USPL1: variants seen among roughly 807,000 people sequenced by gnomAD.
USPL1 encodes the protein SUMO-specific isopeptidase USPL1.
USPL1 carries 27 observed loss-of-function variants against 51.5 expected under a neutral mutation model. The ratio of observed to expected loss-of-function variants is 0.52; its 90% CI spans 0.39 to 0.72. The LOEUF (loss-of-function observed/expected upper bound fraction) is 0.72, where lower values mean the gene tolerates loss of function less well. Among genes scored for constraint, USPL1 ranks in the 30% least tolerant of loss-of-function variants. USPL1 has a pLI of 0.00. For synonymous variants in USPL1, 451 were observed against 459.6 expected (o/e 0.98, Z 0.24); for missense variants, 1,226 against 1,268.0 (o/e 0.97, Z 0.50).
At chr13:30,629,520 CACATGATTATGTGAGTTGACTAGGGA>C (rs1413529005) in intron 3 of USPL1, among the ~76,000 whole-genome samples, 4 of 152,146 alleles carry the variant, frequency 2.6e-5, no homozygotes, top group African/African-American at 4.8e-5. Flanking sequence ...TTTATTATTT[CACATGATTATGTGAGTTGACTAGGGA>C]ATTCTTACAC....
At chr13:30,646,773 T>C (rs897552178) in intron 6 of USPL1, among the ~76,000 whole-genome samples, 159 bp from the exon 7 acceptor site, 4 of 152,242 alleles carry the variant, frequency 2.6e-5, no homozygotes, top group Admixed American at 2.0e-4. Flanking sequence ...TCACAGAGCT[T>C]CTTTACTAGA....
Position 30,647,047 on chromosome 13 carries a change from G to T in USPL1, c.1228G>T (p.Val410Leu). ...CAGTAAATCACAAATAAGAAAAATG[G>T]TATTAGAAAAGTGAGTTAAAATTGT... ...CNSKSQIRKM[V>L]LEKVSPIFML... The change falls in exon 7 of 9, where the codon GTA becomes TTA. Residue 410 changes from valine to leucine, a missense_variant. Val to Leu is a conservative substitution (Grantham distance 32). Coordinates refer to ENST00000255304, the MANE Select transcript of USPL1 (RefSeq NM_005800.5). The T allele has an allele frequency of 1.2e-6, 2 of 1,610,686 alleles. No individual in the cohort carries two copies. The highest frequency in any genetic ancestry group is 1.3e-5 in the African/African-American group (1 of 74,926).
At chr13:30,628,710 A>T (rs752077963) in intron 3 of USPL1, among the ~76,000 whole-genome samples, 35 of 152,370 alleles carry the variant, frequency 2.3e-4, no homozygotes, top group Admixed American at 4.6e-4. Context: ...TCTGCAAAGG[A>T]CATGAGGAGT....
At chr13:30,623,368 A>G (rs1255814570) in intron 3 of USPL1, among the ~76,000 whole-genome samples, 1 of 152,160 alleles carries the variant, frequency 6.6e-6, no homozygotes, top group African/African-American at 2.4e-5. Flanking sequence ...GGCTTTTACT[A>G]TGGGTGAAAC....
At position 30,621,252 on chromosome 13, in the gene USPL1, AT is replaced by A; in HGVS notation, c.99+19del. 6 of 1,554,124 alleles carry A rather than the reference AT, an allele frequency of 3.9e-6. No individual in the cohort carries two copies. The highest frequency in any genetic ancestry group is 1.4e-5 in the African/African-American group (1 of 71,258). ...GTATTTGGGAAAAGTTAGTGAACTT[AT>A]TTTTTGCCTGAGTGCAAAGTTTTTT... is the stretch of plus-strand genomic sequence containing the variant. On this transcript the variant is annotated intron_variant, in intron 2 of 8. Transcript: ENST00000255304.
chr13:30,627,917 G>A (rs769782491), intron 3 of USPL1, among the ~76,000 whole-genome samples: 2 of 151,132 alleles, frequency 1.3e-5, no homozygotes, highest in South Asian at 4.2e-4. Flanking sequence ...AGTCTCTGTC[G>A]CCCAGGCTGG....
intron 1 of USPL1, among the ~76,000 whole-genome samples, chr13:30,618,835 T>G (rs1950607746): frequency 6.6e-6 from 1 of 152,134 alleles, no homozygotes; most frequent in Admixed American, 6.5e-5. Context: ...TAATACTACC[T>G]TTAGGTTATA....
chr13:30,642,392 T>C (rs937359419), intron 5 of USPL1, among the ~76,000 whole-genome samples: 13 of 152,162 alleles, frequency 8.5e-5, no homozygotes, highest in Admixed American at 2.6e-4. Flanking sequence ...TTTTCATAAA[T>C]GTCTGCCAAG....
Position 30,658,717 on chromosome 13 carries a change from G to A in USPL1, c.2640G>A (p.Leu880=), listed in dbSNP as rs763742048. 1.1e-5 allele frequency: 18 copies of A among 1,614,180 alleles called. No individual in the cohort carries two copies. The South Asian group carries it at 2.0e-4, about 18-fold the overall frequency. ...NGISSANHED[L]VEGQIHKLRL... ...TTTCTTCAGCAAACCATGAAGACTT[G>A]GTGGAAGGTCAGATTCATAAACTTC... The change falls in exon 9 of 9, where the codon TTG becomes TTA. Residue 880 remains leucine, a synonymous_variant. Coordinates refer to ENST00000255304, the MANE Select transcript of USPL1 (RefSeq NM_005800.5).
At chr13:30,623,626 G>T in intron 3 of USPL1, among the ~76,000 whole-genome samples, 1 of 150,530 alleles carries the variant, frequency 6.6e-6, no homozygotes, top group Non-Finnish European at 1.5e-5. Flanking sequence ...TGCTAACACC[G>T]GGGTTCATAC....
In USPL1 at chr13:30,631,056, G is replaced by A. The variant is rs776159210; in HGVS notation, c.450G>A (p.Ser150=). 2.7e-5 allele frequency: 44 copies of A among 1,613,944 alleles called. No homozygotes were observed. In the South Asian group the frequency reaches 3.8e-4, roughly 14 times the overall value. The change falls in exon 4 of 9, where the codon TCG becomes TCA. Residue 150 remains serine, a synonymous_variant. Coordinates refer to ENST00000255304, the MANE Select transcript of USPL1 (RefSeq NM_005800.5). The part of the protein sequence containing the change: ...KHNGEVYDET[S]SNLPDSSGQQ... The stretch of plus-strand genomic sequence containing the variant: ...ATGGAGAAGTATATGACGAAACCTC[G>A]TCAAACTTACCTGATAGTAGTGGTC...
At chr13:30,634,147 A>G (rs1950843795) in intron 4 of USPL1, among the ~76,000 whole-genome samples, 1 of 152,200 alleles carries the variant, frequency 6.6e-6, no homozygotes, top group Non-Finnish European at 1.5e-5. Flanking sequence ...CTTTGGGGCC[A>G]TTATTAAGTC....
chr13:30,657,520 G>T lies in USPL1; in HGVS notation c.1443G>T (p.Arg481Ser). The change falls in exon 9 of 9, where the codon AGG (arginine) becomes AGT (serine). Residue 481 changes from arginine to serine, a missense_variant. By Grantham distance (110) the Arg-to-Ser change is moderately radical (BLOSUM62 -1). Transcript: ENST00000255304. ...ACTTAAAAGGCCCATGTTCTGAAAG[G>T]CACAAGAAATTTGAAGTTCCTGCTT... ...CDDLKGPCSE[R>S]HKKFEVPASE... 1.2e-6 allele frequency: 2 copies of T among 1,612,208 alleles called. No individual in the cohort carries two copies. Among genetic ancestry groups the T allele is most frequent in the Non-Finnish European group, 1.7e-6 (2 of 1,179,380 alleles).
chr13:30,620,095 AG>A (rs1156282169), intron 1 of USPL1, among the ~76,000 whole-genome samples: 2 of 152,224 alleles, frequency 1.3e-5, no homozygotes, highest in Admixed American at 6.5e-5. Flanking sequence ...TTTAAAAAGC[AG>A]TTTTATTTTT....
At chr13:30,650,484 T>C (rs1336521965) in intron 7 of USPL1, among the ~76,000 whole-genome samples, 1 of 147,342 alleles carries the variant, frequency 6.8e-6, no homozygotes, top group African/African-American at 2.5e-5. Context: ...GGCTGAGACA[T>C]TAGTACTGCT....
intron 8 of USPL1, among the ~76,000 whole-genome samples, chr13:30,656,823 A>G (rs1593395740): frequency 1.3e-5 from 2 of 151,968 alleles, no homozygotes; most frequent in East Asian, 3.9e-4. Context: ...ATCCTTGCCA[A>G]CATTTGCTAT....
chr13:30,631,238 A>C lies in USPL1; in HGVS notation c.632A>C (p.Glu211Ala), dbSNP rs1950800875. ...PQNEGCTSKLEMPLESKCTSF... is the reference protein window; with the variant it reads ...PQNEGCTSKLAMPLESKCTSF... ...AATGAAGGATGTACATCTAAACTGG[A>C]AATGCCACTGGAGAGCAAATGTACA... Residue 211 changes from glutamate (E) to alanine (A), a missense_variant, in exon 4 of 9, where the codon GAA becomes GCA. Physicochemically the swap from Glu to Ala is moderately radical, Grantham distance 107. Transcript: ENST00000255304. 2 of 1,614,068 alleles carry C rather than the reference A, an allele frequency of 1.2e-6. No individual in the cohort carries two copies.
chr13:30,622,035 A>G (rs1344942979), intron 3 of USPL1, 143 bp downstream of exon 3: 6 of 529,728 alleles, frequency 1.1e-5, no homozygotes, highest in Non-Finnish European at 1.7e-5. Flanking sequence ...TCTGTCTGGT[A>G]TACAATGTTA....
At chr13:30,645,989 A>G (rs147584268) in intron 6 of USPL1, among the ~76,000 whole-genome samples, 52 of 152,372 alleles carry the variant, frequency 3.4e-4, no homozygotes, top group African/African-American at 1.3e-3. Flanking sequence ...GAGCCTTTAC[A>G]TAACAATTAT....
Sources: gnomAD v4.1 joint callset for allele counts (sites outside exome capture counted in the v4.1 genomes callset) on GRCh38, gnomAD v4.1.1 for gene constraint, MANE v1.5 for transcripts, NCBI Gene and HGNC (gene_info 2026-07-23, HGNC 2026-07-21) for gene names.